Variants in IRGM observed in about 807,000 individuals in gnomAD.
IRGM encodes immunity-related GTPase family M protein.
For missense variants in IRGM, 288 were observed against 219.9 expected, an observed-to-expected ratio of 1.31 and a Z score of -1.96; for synonymous variants, 98 against 80.6, an observed-to-expected ratio of 1.22 and a Z score of -1.16.
downstream of IRGM, among the ~76,000 whole-genome samples, chr5:150,901,633 A>C (rs1250996904): frequency 3.3e-5 from 5 of 152,152 alleles, no homozygotes; most frequent in Admixed American, 6.5e-5. Context: ...TCACAACGAT[A>C]ATCATAATGA....
chr5:150,854,649 G>A (rs548798000), intron 1 of IRGM, among the ~76,000 whole-genome samples: 4 of 152,024 alleles, frequency 2.6e-5, no homozygotes, highest in Non-Finnish European at 5.9e-5. Flanking sequence ...GTGCCTTCTG[G>A]CCTGCAACCT....
intron 1 of IRGM, among the ~76,000 whole-genome samples, chr5:150,871,092 C>G (rs894295053): frequency 6.6e-6 from 1 of 152,234 alleles, no homozygotes; most frequent in East Asian, 1.9e-4. Flanking sequence ...TACAAGGCAA[C>G]CCTTTTGCTA....
intron 1 of IRGM, among the ~76,000 whole-genome samples, chr5:150,871,143 C>T (rs886349733): frequency 1.5e-4 from 23 of 152,204 alleles, no homozygotes; most frequent in African/African-American, 5.5e-4. Flanking sequence ...CCCCATGCTA[C>T]AGTTTGATAG....
chr5:150,876,880 T>C (rs1399160989), intron 1 of IRGM, among the ~76,000 whole-genome samples: 1 of 152,228 alleles, frequency 6.6e-6, no homozygotes, highest in Non-Finnish European at 1.5e-5. Context: ...GAGTATTTCC[T>C]CCTTATTTTG....
intron 1 of IRGM, among the ~76,000 whole-genome samples, chr5:150,860,611 G>A (rs1235663878): frequency 6.6e-6 from 1 of 152,094 alleles, no homozygotes; most frequent in Non-Finnish European, 1.5e-5. Context: ...AATTATGCAG[G>A]CACCACAGGA....
chr5:150,890,398 C>G (rs939668343), intron 3 of IRGM, among the ~76,000 whole-genome samples: 1 of 151,584 alleles, frequency 6.6e-6, no homozygotes, highest in Non-Finnish European at 1.5e-5. Context: ...ATTGTGTCCT[C>G]TCTTTTTTCC....
At chr5:150,892,285 T>C (rs931692378) in intron 3 of IRGM, among the ~76,000 whole-genome samples, 3 of 145,890 alleles carry the variant, frequency 2.1e-5, no homozygotes, top group African/African-American at 8.2e-5. Context: ...CATGAACCAA[T>C]TCAGAAAACG....
At chr5:150,872,567 G>A (rs1230625629) in intron 1 of IRGM, among the ~76,000 whole-genome samples, 1 of 152,204 alleles carries the variant, frequency 6.6e-6, no homozygotes, top group Non-Finnish European at 1.5e-5. Flanking sequence ...TGGAGAACAG[G>A]CAGGGGAATG....
intron 1 of IRGM, 135 bp downstream of exon 1, chr5:150,847,355 AC>A (rs1753883813): frequency 6.6e-6 from 1 of 152,354 alleles, no homozygotes; most frequent in African/African-American, 2.4e-5. Context: ...TGAAATATGT[AC>A]TGAAACTTGT....
At chr5:150,873,843 A>G (rs891178338) in intron 1 of IRGM, among the ~76,000 whole-genome samples, 2 of 152,206 alleles carry the variant, frequency 1.3e-5, no homozygotes, top group African/African-American at 4.8e-5. Context: ...ATCAAAAACA[A>G]TATCACATCC....
chr5:150,887,279 A>G (rs990748336), intron 3 of IRGM, among the ~76,000 whole-genome samples: 1 of 152,068 alleles, frequency 6.6e-6, no homozygotes, highest in Admixed American at 6.6e-5. Context: ...AACACAATAC[A>G]AGAATTTCAC....
chr5:150,861,175 G>A (rs2113264530), intron 1 of IRGM, among the ~76,000 whole-genome samples: 1 of 152,312 alleles, frequency 6.6e-6, no homozygotes, highest in South Asian at 2.1e-4. Context: ...CAACTGATTT[G>A]GAATGTGTAC....
intron 1 of IRGM, among the ~76,000 whole-genome samples, chr5:150,867,119 C>T (rs940102723): frequency 2.0e-5 from 3 of 152,094 alleles, no homozygotes; most frequent in Non-Finnish European, 4.4e-5. Flanking sequence ...ACTCATCACC[C>T]GCACAGTGTA....
At chr5:150,896,446 T>A (rs747247828) in intron 3 of IRGM, 25 of 1,613,538 alleles carry the variant, frequency 1.5e-5, no homozygotes, top group African/African-American at 2.7e-5. Flanking sequence ...CTTTTCTCTT[T>A]AGTTTCCACA....
chr5:150,886,107 G>C (rs1043801782), intron 3 of IRGM, among the ~76,000 whole-genome samples: 4 of 151,886 alleles, frequency 2.6e-5, no homozygotes, highest in Non-Finnish European at 5.9e-5. Flanking sequence ...GAGCTTTTAA[G>C]ATGAAAGCAT....
At chr5:150,858,576 T>C (rs1323196561) in intron 1 of IRGM, among the ~76,000 whole-genome samples, 1 of 152,178 alleles carries the variant, frequency 6.6e-6, no homozygotes, top group East Asian at 1.9e-4. Flanking sequence ...TGTTCTTCCA[T>C]TTGTTTGTAT....
intron 3 of IRGM, among the ~76,000 whole-genome samples, chr5:150,884,694 T>C (rs888057128): frequency 1.3e-5 from 2 of 152,172 alleles, no homozygotes; most frequent in African/African-American, 2.4e-5. Context: ...TTTTAAAATA[T>C]GATTGTTGGC....
intron 3 of IRGM, chr5:150,895,752 C>T (rs765487598): frequency 6.2e-7 from 1 of 1,613,552 alleles, no homozygotes; most frequent in Non-Finnish European, 8.5e-7. Flanking sequence ...GCCACATTCA[C>T]TACATTTATA....
In IRGM at chr5:150,847,958, C is replaced by A. The variant is rs1234462426; in HGVS notation, c.-166C>A. 4 of 598,330 alleles carry A rather than the reference C, an allele frequency of 6.7e-6. No homozygotes were observed. The highest frequency in any genetic ancestry group is 1.2e-5 in the Non-Finnish European group (4 of 340,946). The allele number at this position is 598,330 out of a possible 1,614,324, so 37.1% of individuals were successfully genotyped here. A position where few individuals can be genotyped will look rare whatever the true frequency, so the allele number is the denominator to read the frequency against. The stretch of plus-strand genomic sequence containing the variant: ...AGCTGGGACTACAGGCGCACACCAC[C>A]ACGCGCAGCTAATTTTTTTGTATTT... On this transcript the variant is annotated 5_prime_UTR_variant, in exon 2 of 2. Coordinates refer to ENST00000522154, the MANE Select transcript of IRGM (RefSeq NM_001145805.2).
Sources: gnomAD v4.1 joint callset for allele counts (sites outside exome capture counted in the v4.1 genomes callset) on GRCh38, gnomAD v4.1.1 for gene constraint, MANE v1.5 for transcripts, NCBI Gene and HGNC (gene_info 2026-07-23, HGNC 2026-07-21) for gene names.